The following TXLNA variants were observed in gnomAD, a reference collection of about 807,000 sequenced individuals.
The protein encoded by TXLNA is taxilin alpha.
A neutral mutation model predicts 61.4 loss-of-function variants in TXLNA; 9 were observed. That is an observed-to-expected ratio of 0.15 (90% confidence interval 0.09 to 0.26). The LOEUF (loss-of-function observed/expected upper bound fraction) is 0.26. Among genes scored for constraint, TXLNA ranks in the 10% least tolerant of loss-of-function variants. The pLI is 1.00. For missense variants in TXLNA, 565 were observed against 688.8 expected (o/e 0.82, Z 2.01); for synonymous variants, 257 against 267.7 (o/e 0.96, Z 0.39).
chr1:32,188,619 CAG>C (rs1377747351), intron 5 of TXLNA, among the ~76,000 whole-genome samples: 1 of 148,866 alleles, frequency 6.7e-6, no homozygotes, highest in Non-Finnish European at 1.5e-5. Flanking sequence ...GCCTGGGCAA[CAG>C]AGTGAGACTC....
chr1:32,183,927 G>T (rs72666779), intron 3 of TXLNA, among the ~76,000 whole-genome samples: 14,073 of 150,654 alleles, frequency 0.093, 868 homozygotes, highest in South Asian at 0.25. Flanking sequence ...GTCTTTAGTA[G>T]AGATGGGGTT....
At chr1:32,183,764 G>T (rs1469224202) in intron 3 of TXLNA, among the ~76,000 whole-genome samples, 2 of 139,770 alleles carry the variant, frequency 1.4e-5, no homozygotes, top group African/African-American at 5.4e-5. Flanking sequence ...TTTAGACAGA[G>T]TCTCGCTCTG....
chr1:32,189,256 C>G (rs1273804442), intron 5 of TXLNA, among the ~76,000 whole-genome samples: 2 of 152,086 alleles, frequency 1.3e-5, no homozygotes, highest in African/African-American at 4.8e-5. Context: ...ATTGAAATGG[C>G]TAGGTCACAG....
rs116634775 is a variant in TXLNA, at chr1:32,186,561, G to A, written c.598-1393G>A. 7.0e-3 allele frequency among the ~76,000 whole-genome samples: 1,069 copies of A among 152,282 alleles called. 9 individuals carry two copies. The highest frequency in any genetic ancestry group is 0.011 in the Non-Finnish European group (765 of 68,014). On this transcript the variant is annotated intron_variant, in intron 4 of 10. Coordinates refer to ENST00000373610, the MANE Select transcript of TXLNA (RefSeq NM_175852.4). Reference sequence around the variant, plus strand: ...GCTTTACTAGGGTTGCAGTACTACTGGGGAAGGGCCAAGAGAGTTGAGGGT... The same window carrying A: ...GCTTTACTAGGGTTGCAGTACTACTAGGGAAGGGCCAAGAGAGTTGAGGGT...
At position 32,194,882 on chromosome 1, in the gene TXLNA, G is replaced by C; in HGVS notation, c.1348-20G>C. ...GAGGTTGATGGGGCACGGCACTGAA[G>C]GTCTCATTTCTTTCCCTAGAAAACA... On this transcript the variant is annotated intron_variant, in intron 10 of 10. Coordinates refer to ENST00000373610, the MANE Select transcript of TXLNA (RefSeq NM_175852.4). The C allele has an allele frequency of 6.3e-7, 1 of 1,586,172 alleles. No individual in the cohort carries two copies. Among genetic ancestry groups the C allele is most frequent in the Non-Finnish European group, 8.6e-7 (1 of 1,167,402 alleles).
rs142627974 is a variant in TXLNA, at chr1:32,185,238, T to C, written c.597+622T>C. ...ATCACAATAAATGCAAAGCATGCTC[T>C]TCCCACTTTGTTGTAACATTGTTCA... On this transcript the variant is annotated intron_variant, in intron 4 of 10. Coordinates refer to ENST00000373610, the MANE Select transcript of TXLNA (RefSeq NM_175852.4). Among the ~76,000 whole-genome samples the C allele has an allele frequency of 9.2e-5, 14 of 152,336 alleles. No homozygotes were observed. The East Asian group carries it at 2.7e-3, about 29-fold the overall frequency.
chr1:32,187,247 T>C (rs564756909), intron 4 of TXLNA, among the ~76,000 whole-genome samples: 1 of 152,344 alleles, frequency 6.6e-6, no homozygotes, highest in Admixed American at 6.5e-5. Context: ...ATGTTTTGGA[T>C]ATTAGGTTAA....
In TXLNA at chr1:32,194,949, A is replaced by G. The variant is rs1443487517; in HGVS notation, c.1395A>G (p.Gln465=). 3.1e-6 allele frequency: 5 copies of G among 1,613,868 alleles called. No individual in the cohort carries two copies. Among genetic ancestry groups the G allele is most frequent in the Non-Finnish European group, 4.2e-6 (5 of 1,179,922 alleles). ...TGGAGGGCCTGCAGGTAAAAATCCAACGGCTGGAGAAGCTGTGCCGGGCAC... is the reference window on the plus strand; with the variant it reads ...TGGAGGGCCTGCAGGTAAAAATCCAGCGGCTGGAGAAGCTGTGCCGGGCAC... ...KELEGLQVKI[Q]RLEKLCRALQ... Residue 465 remains glutamine, a synonymous_variant, in exon 11 of 11, where the codon CAA becomes CAG. Transcript: ENST00000373610.
chr1:32,180,545 AG>A (rs1197830975), intron 2 of TXLNA, 31 bp downstream of exon 2: 1 of 1,565,648 alleles, frequency 6.4e-7, no homozygotes, highest in Non-Finnish European at 8.6e-7. Flanking sequence ...GCCAGCGGGC[AG>A]GGGGAGGAGC....
rs1642993722 is a variant in TXLNA at position 32,195,249 on chromosome 1, G to A, written c.*54G>A. The A allele has an allele frequency of 5.3e-6, 8 of 1,507,296 alleles. No homozygotes were observed. The highest frequency in any genetic ancestry group is 1.4e-5 in the African/African-American group (1 of 71,498). 93.4% of individuals were successfully genotyped at this position (1,507,296 alleles called of 1,614,324 possible). A position where few individuals can be genotyped will look rare whatever the true frequency, so the allele number is the denominator to read the frequency against. On this transcript the variant is annotated 3_prime_UTR_variant, in exon 11 of 11. Transcript: ENST00000373610. ...GGGAGCGGCAGCCCAGCCAGGCCTGGCCCATAAAAGGCTCCCATGCTGAGC... is the reference window on the plus strand; with the variant it reads ...GGGAGCGGCAGCCCAGCCAGGCCTGACCCATAAAAGGCTCCCATGCTGAGC...
chr1:32,182,695 G>A (rs150238742), intron 3 of TXLNA, among the ~76,000 whole-genome samples: 6 of 150,540 alleles, frequency 4.0e-5, no homozygotes, highest in East Asian at 4.0e-4. Context: ...AATCTAAGTC[G>A]AGTGTCATTA....
Position 32,181,585 on chromosome 1 carries a change from G to C in TXLNA, c.505+8G>C. The C allele has an allele frequency of 6.6e-7, 1 of 1,523,172 alleles. No homozygotes were observed. Among genetic ancestry groups the C allele is most frequent in the Non-Finnish European group, 8.8e-7 (1 of 1,132,254 alleles). 94.4% of individuals were successfully genotyped at this position (1,523,172 alleles called of 1,614,324 possible). A position where few individuals can be genotyped will look rare whatever the true frequency, so the allele number is the denominator to read the frequency against. ...AAAAAGCCAAGGGTTTGGGTGAGCA[G>C]AGGGCGGCTCTTTGTGAAGCTGGTG... On this transcript the variant is annotated splice_region_variant and intron_variant, in intron 3 of 10. Transcript: ENST00000373610.
Position 32,181,557 on chromosome 1 carries a change from A to T in TXLNA, c.485A>T (p.Lys162Met), listed in dbSNP as rs1354065431. The T allele has an allele frequency of 1.3e-6, 2 of 1,550,232 alleles. No individual in the cohort carries two copies. The highest frequency in any genetic ancestry group is 1.7e-6 in the Non-Finnish European group (2 of 1,145,972). Residue 162 changes from lysine to methionine, a missense_variant, in exon 3 of 11, where the codon AAG becomes ATG. Lys to Met is a moderately conservative substitution (Grantham distance 95). Coordinates refer to ENST00000373610, the MANE Select transcript of TXLNA (RefSeq NM_175852.4). ...GDRDHRRPQE[K>M]KKAKGLGKEI... ...CGAGACCATCGAAGGCCACAGGAGA[A>T]GAAAAAAGCCAAGGGTTTGGGTGAG... is the stretch of plus-strand genomic sequence containing the variant.
In TXLNA at chr1:32,194,132, A is replaced by G. The variant is rs754900534; in HGVS notation, c.1319A>G (p.Asn440Ser). The change falls in exon 10 of 11, where the codon AAC becomes AGC. Residue 440 changes from asparagine (N) to serine (S), a missense_variant. Asn to Ser is a conservative substitution (Grantham distance 46). Coordinates refer to ENST00000373610, the MANE Select transcript of TXLNA (RefSeq NM_175852.4). ...TACCGGTCCCGGTGGGAGAGCAGCA[A>G]CAAGGCCCTGCTTGAGATGGCTGAG... is the stretch of plus-strand genomic sequence containing the variant. The part of the protein sequence containing the change: ...TMYRSRWESS[N>S]KALLEMAEEK... The G allele has an allele frequency of 1.3e-5, 21 of 1,614,004 alleles. No homozygotes were observed. In the South Asian group the frequency reaches 2.3e-4, roughly 18 times the overall value.
rs1029217505 is a variant in TXLNA, at chr1:32,192,811, C to T, written c.1158+80C>T. The T allele has an allele frequency of 2.1e-6, 3 of 1,423,764 alleles. No individual in the cohort carries two copies. The highest frequency in any genetic ancestry group is 1.2e-5 in the South Asian group (1 of 86,038). 88.2% of individuals were successfully genotyped at this position (1,423,764 alleles called of 1,614,324 possible). A position where few individuals can be genotyped will look rare whatever the true frequency, so the allele number is the denominator to read the frequency against. On this transcript the variant is annotated intron_variant, in intron 8 of 10. Coordinates refer to ENST00000373610, the MANE Select transcript of TXLNA (RefSeq NM_175852.4). The surrounding 1 kb of genome is among the most constrained non-coding windows in gnomAD (Gnocchi z 4.2). ...CCTGGGGGTAGTGAAATGGGACCCT[C>T]ATTCTAGGACTGGCTGTGTCCTGGC...
Position 32,184,573 on chromosome 1 carries a change from C to T in TXLNA, c.554C>T (p.Pro185Leu). 1 of 1,613,866 alleles carries T rather than the reference C, an allele frequency of 6.2e-7. No homozygotes were observed. The highest frequency in any genetic ancestry group is 8.5e-7 in the Non-Finnish European group (1 of 1,179,760). ...LMQTLNTLST[P>L]EEKLAALCKK... The stretch of plus-strand genomic sequence containing the variant: ...CAGACATTGAATACTCTGAGTACCC[C>T]AGAGGAGAAGCTGGCTGCTCTGTGC... Residue 185 changes from proline (P) to leucine (L), a missense_variant, in exon 4 of 11, where the codon CCA (proline) becomes CTA (leucine). By Grantham distance (98) the Pro-to-Leu change is moderately conservative (BLOSUM62 -3). Around this residue, in one of 2 missense-constraint regions of TXLNA, gnomAD observed 373 missense variants for 504.0 expected, o/e 0.74. Transcript: ENST00000373610.
chr1:32,195,704 G>A lies in TXLNA; in HGVS notation c.*509G>A. 1 of 456,520 alleles carries A rather than the reference G, an allele frequency of 2.2e-6. No individual in the cohort carries two copies. Among genetic ancestry groups the A allele is most frequent in the East Asian group, 6.9e-5 (1 of 14,392 alleles). The allele number at this position is 456,520 out of a possible 1,614,324, so 28.3% of individuals were successfully genotyped here. On this transcript the variant is annotated 3_prime_UTR_variant, in exon 11 of 11. Transcript: ENST00000373610. Reference sequence around the variant, plus strand: ...CCTTTGATTCTCTAGACCTGGAAAAGGTGTCCCTAGGCAGAGCCCTGGCAG... The same window carrying A: ...CCTTTGATTCTCTAGACCTGGAAAAAGTGTCCCTAGGCAGAGCCCTGGCAG...
At chr1:32,185,922 T>C (rs778078319) in intron 4 of TXLNA, among the ~76,000 whole-genome samples, 1 of 151,724 alleles carries the variant, frequency 6.6e-6, no homozygotes, top group Non-Finnish European at 1.5e-5. Flanking sequence ...ATGGTCTTGA[T>C]CTCTTGGCCT....
chr1:32,182,720 T>C (rs1350131416), intron 3 of TXLNA, among the ~76,000 whole-genome samples: 1 of 151,790 alleles, frequency 6.6e-6, no homozygotes, highest in Admixed American at 6.6e-5. Flanking sequence ...CATGTTTTAT[T>C]CCTATTCCCT....
Sources: gnomAD v4.1 joint callset for allele counts (sites outside exome capture counted in the v4.1 genomes callset) on GRCh38, gnomAD v4.1.1 for gene constraint, gnomAD v4.1.1 regional missense constraint, Gnocchi (gnomAD v3.1) non-coding constraint, MANE v1.5 for transcripts, NCBI Gene and HGNC (gene_info 2026-07-23, HGNC 2026-07-21) for gene names.